Variants in DSCAM observed in about 807,000 individuals in gnomAD.
DSCAM encodes DS cell adhesion molecule.
In DSCAM, 47 loss-of-function variants were observed where a neutral mutation model predicts 217.7. The observed-to-expected ratio is 0.22, with a 90% CI of 0.17 to 0.28. The LOEUF (loss-of-function observed/expected upper bound fraction) is 0.28, where lower values mean the gene tolerates loss of function less well. Among genes scored for constraint, DSCAM ranks in the 10% least tolerant of loss-of-function variants. DSCAM has a pLI of 1.00. For synonymous variants in DSCAM, 1,056 were observed against 1,015.3 expected, an observed-to-expected ratio of 1.04 and a Z score of -0.76; for missense variants, 2,080 against 2,618.3, an observed-to-expected ratio of 0.79 and a Z score of 4.49.
At chr21:40,359,824 G>A (rs947415232) in intron 4 of DSCAM, among the ~76,000 whole-genome samples, 1 of 152,138 alleles carries the variant, frequency 6.6e-6, no homozygotes, top group Admixed American at 6.5e-5. Context: ...CGGGTAGGAG[G>A]AATCTTTTGG....
At chr21:40,288,531 G>A (rs1319669947) in intron 10 of DSCAM, among the ~76,000 whole-genome samples, 1 of 152,136 alleles carries the variant, frequency 6.6e-6, no homozygotes, top group Non-Finnish European at 1.5e-5. Context: ...CATTAAAATA[G>A]AAGGAGATAA....
At chr21:40,014,636 C>G (rs1248471279) in intron 32 of DSCAM, among the ~76,000 whole-genome samples, 3 of 152,172 alleles carry the variant, frequency 2.0e-5, no homozygotes, top group African/African-American at 7.2e-5. Context: ...TGACGTGCCT[C>G]CAACCAATCC....
At chr21:40,450,331 T>C (rs1412198252) in intron 3 of DSCAM, among the ~76,000 whole-genome samples, 1 of 152,246 alleles carries the variant, frequency 6.6e-6, no homozygotes, top group Non-Finnish European at 1.5e-5. Context: ...GTTCTAGTCC[T>C]GGCTGACACT....
chr21:40,620,056 AAAG>A (rs1220176577), intron 3 of DSCAM, among the ~76,000 whole-genome samples: 3 of 112,892 alleles, frequency 2.7e-5, no homozygotes, highest in Non-Finnish European at 5.6e-5. Flanking sequence ...GAAAAAAGAA[AAAG>A]AAAGAAAGAG....
At chr21:40,811,373 T>A (rs1301792082) in intron 1 of DSCAM, among the ~76,000 whole-genome samples, 1 of 152,232 alleles carries the variant, frequency 6.6e-6, no homozygotes, top group East Asian at 1.9e-4. Flanking sequence ...TGAGATTAAA[T>A]CCTGAATTGA....
At chr21:40,216,753 C>G (rs2091247218) in intron 11 of DSCAM, among the ~76,000 whole-genome samples, 1 of 152,168 alleles carries the variant, frequency 6.6e-6, no homozygotes, top group Non-Finnish European at 1.5e-5. Context: ...GCCAGGAGGC[C>G]CCTCCCGCAG....
chr21:40,400,028 C>T (rs1293735790), intron 3 of DSCAM, among the ~76,000 whole-genome samples: 1 of 152,156 alleles, frequency 6.6e-6, no homozygotes, highest in Non-Finnish European at 1.5e-5. Flanking sequence ...AAAACAGCCA[C>T]AGGGAATCTG....
chr21:40,417,753 GA>G (rs2075385872), intron 3 of DSCAM, among the ~76,000 whole-genome samples: 1 of 151,756 alleles, frequency 6.6e-6, no homozygotes, highest in African/African-American at 2.4e-5. Context: ...TTAATCACAA[GA>G]AAAATTAAAA....
intron 1 of DSCAM, among the ~76,000 whole-genome samples, chr21:40,841,315 C>A (rs1428160018): frequency 1.3e-5 from 2 of 152,136 alleles, no homozygotes; most frequent in Non-Finnish European, 2.9e-5. Context: ...GAATTCAGAA[C>A]GACATAGTGG....
At chr21:40,035,502 C>A (rs1369341611) in intron 32 of DSCAM, among the ~76,000 whole-genome samples, 15 of 129,398 alleles carry the variant, frequency 1.2e-4, no homozygotes, top group Admixed American at 3.8e-4. Flanking sequence ...CAGGAGCACC[C>A]AGATTCATAA....
At chr21:40,236,492 T>C (rs192775699) in intron 11 of DSCAM, among the ~76,000 whole-genome samples, 85 of 151,988 alleles carry the variant, frequency 5.6e-4, no homozygotes, top group African/African-American at 2.0e-3. Context: ...TACAAATACA[T>C]GGGGTAAGGA....
At chr21:40,225,603 G>A (rs1300750118) in intron 11 of DSCAM, among the ~76,000 whole-genome samples, 1 of 152,016 alleles carries the variant, frequency 6.6e-6, no homozygotes, top group Admixed American at 6.6e-5. Flanking sequence ...GGAGGTTGAG[G>A]GATTAAGAGG....
intron 3 of DSCAM, among the ~76,000 whole-genome samples, chr21:40,602,347 C>G (rs2077068845): frequency 6.6e-6 from 1 of 152,148 alleles, no homozygotes; most frequent in Non-Finnish European, 1.5e-5. Context: ...AGTCATGAGA[C>G]ATAACGTCAG....
intron 28 of DSCAM, among the ~76,000 whole-genome samples, chr21:40,057,471 G>A (rs1264714556): frequency 6.6e-6 from 1 of 152,166 alleles, no homozygotes; most frequent in Non-Finnish European, 1.5e-5. Flanking sequence ...CCTCACTAGG[G>A]ACTTGAGCTT....
At chr21:40,594,908 G>T (rs753621760) in intron 3 of DSCAM, among the ~76,000 whole-genome samples, 17 of 152,102 alleles carry the variant, frequency 1.1e-4, no homozygotes, top group Non-Finnish European at 2.5e-4. Flanking sequence ...ATGCTCTTGA[G>T]CCCAATTCTA....
rs1229417076 is a variant in DSCAM at position 40,479,039 on chromosome 21, G to C, written c.509-109794C>G. 2.6e-5 allele frequency among the ~76,000 whole-genome samples: 4 copies of C among 152,294 alleles called. No homozygotes were observed. The East Asian group carries it at 7.7e-4, about 29-fold the overall frequency. Reference sequence around the variant, plus strand: ...AGGAAAACTCAAACTGCAGAAAGTGGAGCTGCAGATAAGGGGGAAGAATGC... The same window carrying C: ...AGGAAAACTCAAACTGCAGAAAGTGCAGCTGCAGATAAGGGGGAAGAATGC... On this transcript the variant is annotated intron_variant, in intron 3 of 32. Coordinates refer to ENST00000400454, the MANE Select transcript of DSCAM (RefSeq NM_001389.5).
chr21:40,149,025 A>C (rs2090390284), intron 16 of DSCAM, among the ~76,000 whole-genome samples: 1 of 151,960 alleles, frequency 6.6e-6, no homozygotes, highest in Non-Finnish European at 1.5e-5. Flanking sequence ...CTTTATCACT[A>C]TCCCAAAACC....
intron 1 of DSCAM, among the ~76,000 whole-genome samples, chr21:40,714,510 C>G (rs2090819534): frequency 6.6e-6 from 1 of 152,186 alleles, no homozygotes; most frequent in African/African-American, 2.4e-5. Flanking sequence ...AGGTTGTTTT[C>G]TCTGTTGGGT....
Position 40,343,906 on chromosome 21 carries a change from T to C in DSCAM, c.1210+3764A>G, listed in dbSNP as rs1165236563. Among the ~76,000 whole-genome samples, 3 of 150,756 alleles carry C rather than the reference T, an allele frequency of 2.0e-5. No homozygotes were observed. The Admixed American group carries it at 2.0e-4, about 10-fold the overall frequency. ...ATTTTATTTCATTTTATTTATTTTA[T>C]TTTATTTTATTTTTAGAGATGGAGT... is the stretch of plus-strand genomic sequence containing the variant. On this transcript the variant is annotated intron_variant, in intron 6 of 32. Coordinates refer to ENST00000400454, the MANE Select transcript of DSCAM (RefSeq NM_001389.5).
Sources: gnomAD v4.1 joint callset for allele counts (sites outside exome capture counted in the v4.1 genomes callset) on GRCh38, gnomAD v4.1.1 for gene constraint, MANE v1.5 for transcripts, NCBI Gene and HGNC (gene_info 2026-07-23, HGNC 2026-07-21) for gene names.